ABAT: variants seen among roughly 807,000 people sequenced by gnomAD.
ABAT encodes the protein 4-aminobutyrate aminotransferase, mitochondrial.
Under a neutral mutation model 64.6 loss-of-function variants are expected in ABAT, and 45 were observed. The observed-to-expected ratio is 0.70, with a 90% confidence interval of 0.55 to 0.89. The LOEUF is 0.89. Among genes scored for constraint, ABAT ranks in the 40% least tolerant of loss-of-function variants. ABAT has a pLI of 0.00. For missense variants in ABAT, 633 were observed against 658.4 expected, an observed-to-expected ratio of 0.96 and a Z score of 0.42; for synonymous variants, 297 against 250.5, an observed-to-expected ratio of 1.19 and a Z score of -1.75.
chr16:8,733,068 CGGGG>C, intron 1 of ABAT, among the ~76,000 whole-genome samples: 1 of 144,396 alleles, frequency 6.9e-6, no homozygotes, highest in African/African-American at 2.8e-5. Context: ...GCTGGCCGGG[CGGGG>C]GGCTGACCCC....
At chr16:8,758,604 C>T (rs2059709291) in intron 6 of ABAT, among the ~76,000 whole-genome samples, 1 of 152,040 alleles carries the variant, frequency 6.6e-6, no homozygotes, top group South Asian at 2.1e-4. Flanking sequence ...CTGTCCTGTG[C>T]ATTGAGACAT....
intron 1 of ABAT, among the ~76,000 whole-genome samples, chr16:8,734,552 A>G (rs1031389080): frequency 6.6e-6 from 1 of 152,186 alleles, no homozygotes; most frequent in Non-Finnish European, 1.5e-5. Flanking sequence ...TAAAAAGACC[A>G]TGGAGCATGG....
chr16:8,687,881 G>A (rs1174317729), intron 1 of ABAT, among the ~76,000 whole-genome samples: 1 of 151,678 alleles, frequency 6.6e-6, no homozygotes, highest in South Asian at 2.1e-4. Flanking sequence ...TGGAAAACTG[G>A]ATGATAAGAG....
chr16:8,733,639 G>C (rs990663918), intron 1 of ABAT, among the ~76,000 whole-genome samples: 1 of 151,908 alleles, frequency 6.6e-6, no homozygotes, highest in Non-Finnish European at 1.5e-5. Context: ...AGACCGGCCT[G>C]GCCAACACAG....
rs553703266 is a variant in ABAT, at chr16:8,681,481, G to A, written c.-42+6770G>A. 1.4e-3 allele frequency among the ~76,000 whole-genome samples: 203 copies of A among 145,860 alleles called. 1 individual carries two copies. Among genetic ancestry groups the A allele is most frequent in the African/African-American group, 4.9e-3 (194 of 39,450 alleles). On this transcript the variant is annotated intron_variant, in intron 1 of 15. Coordinates refer to ENST00000268251, the MANE Select transcript of ABAT (RefSeq NM_020686.6). ...CACTTTTTTTTTTTTTTTTGAGAGG[G>A]AGTCTTGCTCTGTTGCCCAGGCTGG... is the stretch of plus-strand genomic sequence containing the variant.
intron 2 of ABAT, among the ~76,000 whole-genome samples, chr16:8,743,652 T>C (rs2059244883): frequency 7.3e-6 from 1 of 136,462 alleles, no homozygotes; most frequent in Non-Finnish European, 1.5e-5. Flanking sequence ...ATATATAATA[T>C]ATATTTTAGT....
chr16:8,772,764 C>A lies in ABAT; in HGVS notation c.817-16C>A, dbSNP rs1405948849. 1 of 1,613,890 alleles carries A rather than the reference C, an allele frequency of 6.2e-7. No homozygotes were observed. The highest frequency in any genetic ancestry group is 8.5e-7 in the Non-Finnish European group (1 of 1,179,990). On this transcript the variant is annotated splice_polypyrimidine_tract_variant and intron_variant, in intron 11 of 15. Transcript: ENST00000268251. ...AGCCTCTGCCATCGGTGGTCACTTT[C>A]CCCTTTGGGATCCAGGTGGAGGATC...
At chr16:8,690,766 T>C (rs1044504668) in intron 1 of ABAT, among the ~76,000 whole-genome samples, 7 of 152,272 alleles carry the variant, frequency 4.6e-5, no homozygotes, top group Admixed American at 3.9e-4. Flanking sequence ...TTCTATAGAA[T>C]TGTGGGGAGG....
At chr16:8,772,434 A>G (rs1201643845) in intron 11 of ABAT, among the ~76,000 whole-genome samples, 2 of 152,224 alleles carry the variant, frequency 1.3e-5, no homozygotes, top group Non-Finnish European at 2.9e-5. Context: ...TGGCCCAGCA[A>G]TCAACTCATA....
rs193291020 is a variant in ABAT at position 8,685,062 on chromosome 16, A to T, written c.-42+10351A>T. The stretch of plus-strand genomic sequence containing the variant: ...CACTTTGGGAGGCCGAGGTGGACAG[A>T]TTGCTTGAGCTCAGGAGTTCGAGAC... On this transcript the variant is annotated intron_variant, in intron 1 of 15. Transcript: ENST00000268251. Among the ~76,000 whole-genome samples, 431 of 152,156 alleles carry T rather than the reference A, an allele frequency of 2.8e-3. 1 individual carries two copies. Among genetic ancestry groups the T allele is most frequent in the African/African-American group, 9.9e-3 (411 of 41,528 alleles).
At chr16:8,774,570 C>T (rs1042865513) in intron 12 of ABAT, among the ~76,000 whole-genome samples, 9 of 152,048 alleles carry the variant, frequency 5.9e-5, no homozygotes, top group African/African-American at 9.7e-5. Flanking sequence ...CTCCCTCTGA[C>T]GAGGTCGAGA....
At chr16:8,751,813 C>T (rs1430734605) in intron 5 of ABAT, among the ~76,000 whole-genome samples, 2 of 152,168 alleles carry the variant, frequency 1.3e-5, no homozygotes, top group Non-Finnish European at 2.9e-5. Flanking sequence ...TCCCCAGCCT[C>T]GCCTCCCAGC....
chr16:8,699,316 G>A (rs2057769008), intron 1 of ABAT, among the ~76,000 whole-genome samples: 1 of 150,694 alleles, frequency 6.6e-6, no homozygotes, highest in African/African-American at 2.4e-5. Flanking sequence ...TATTTTTGCA[G>A]GGAATTATTT....
intron 1 of ABAT, among the ~76,000 whole-genome samples, chr16:8,721,114 G>A (rs969248079): frequency 3.9e-5 from 6 of 152,172 alleles, no homozygotes; most frequent in African/African-American, 1.4e-4. Context: ...GCACAGAGAC[G>A]TTACTTAATG....
intron 12 of ABAT, among the ~76,000 whole-genome samples, chr16:8,773,789 A>G (rs1040931799): frequency 2.0e-5 from 3 of 152,208 alleles, no homozygotes; most frequent in South Asian, 4.1e-4. Context: ...TTCCCACCTG[A>G]GTGAGAACAT....
At chr16:8,710,683 T>TGAGAGAGAGAGAGAGAGAGAGAGA (rs762237876) in intron 1 of ABAT, among the ~76,000 whole-genome samples, 8 of 87,846 alleles carry the variant, frequency 9.1e-5, no homozygotes, top group Admixed American at 2.5e-4. Flanking sequence ...AAGGCTGCAC[T>TGAGAGAGAGAGAGAGAGAGAGAGA]GAGAGAGAGA....
chr16:8,724,192 C>G (rs2058467561), intron 1 of ABAT, among the ~76,000 whole-genome samples: 1 of 152,000 alleles, frequency 6.6e-6, no homozygotes, highest in South Asian at 2.1e-4. Flanking sequence ...CATGCACAAC[C>G]CACATATCTT....
chr16:8,770,758 A>G (rs992577609), intron 11 of ABAT, among the ~76,000 whole-genome samples: 1 of 152,182 alleles, frequency 6.6e-6, no homozygotes, highest in Non-Finnish European at 1.5e-5. Flanking sequence ...ACGTTTTTTA[A>G]AATTACAAAG....
chr16:8,781,108 A>T lies in ABAT; in HGVS notation c.1382-201A>T. On this transcript the variant is annotated intron_variant, in intron 15 of 15. Coordinates refer to ENST00000268251, the MANE Select transcript of ABAT (RefSeq NM_020686.6). This position sits in a 1 kb window ranked among gnomAD's most constrained non-coding sequence, Gnocchi z 4.5. ...AAGGAAGAAGAGAATGATGGAGGAG[A>T]TGAATGAGGGGAGAGAGAAAGGAAA... is the stretch of plus-strand genomic sequence containing the variant. The T allele has an allele frequency of 2.5e-6, 2 of 784,630 alleles. No individual in the cohort carries two copies. Among genetic ancestry groups the T allele is most frequent in the Non-Finnish European group, 4.5e-6 (2 of 443,112 alleles). The allele number at this position is 784,630 out of a possible 1,614,324, so 48.6% of individuals were successfully genotyped here.
Sources: gnomAD v4.1 joint callset for allele counts (sites outside exome capture counted in the v4.1 genomes callset) on GRCh38, gnomAD v4.1.1 for gene constraint, Gnocchi (gnomAD v3.1) non-coding constraint, MANE v1.5 for transcripts, NCBI Gene and HGNC (gene_info 2026-07-23, HGNC 2026-07-21) for gene names.